RNFT2: variants seen among roughly 807,000 people sequenced by gnomAD.
The protein encoded by RNFT2 is E3 ubiquitin-protein ligase RNFT2.
Under a neutral mutation model 53.0 loss-of-function variants are expected in RNFT2, and 36 were observed. That is an observed-to-expected ratio of 0.68 (90% confidence interval 0.52 to 0.90). The LOEUF (loss-of-function observed/expected upper bound fraction) is 0.90. Ranked by LOEUF, RNFT2 falls within the 40% of genes least tolerant of loss-of-function variation. The pLI is 0.00. For missense variants in RNFT2, 514 were observed against 585.6 expected (o/e 0.88, Z 1.26); for synonymous variants, 260 against 253.2 (o/e 1.03, Z -0.26).
chr12:116,747,311 C>T (rs1871946026), intron 3 of RNFT2, among the ~76,000 whole-genome samples: 1 of 152,210 alleles, frequency 6.6e-6, no homozygotes, highest in Admixed American at 6.5e-5. Context: ...CCACCTTGGC[C>T]TCCCAAAGTG....
chr12:116,767,029 C>A, intron 6 of RNFT2, 115 bp downstream of exon 6: 1 of 667,766 alleles, frequency 1.5e-6, no homozygotes, highest in Non-Finnish European at 2.6e-6. Flanking sequence ...TTGTAACTTC[C>A]AAATTCCACC....
intron 7 of RNFT2, among the ~76,000 whole-genome samples, chr12:116,783,744 A>G (rs148384096): frequency 3.9e-4 from 59 of 152,372 alleles, no homozygotes; most frequent in African/African-American, 1.3e-3. Flanking sequence ...GGCTCTCCAC[A>G]GCCAGCCAGG....
At chr12:116,773,911 G>A (rs2137109867) in intron 6 of RNFT2, among the ~76,000 whole-genome samples, 1 of 152,326 alleles carries the variant, frequency 6.6e-6, no homozygotes, top group African/African-American at 2.4e-5. Flanking sequence ...TCTATTGACA[G>A]ATGAATGGAT....
intron 3 of RNFT2, among the ~76,000 whole-genome samples, chr12:116,746,228 C>T (rs1871887715): frequency 6.6e-6 from 1 of 152,108 alleles, no homozygotes; most frequent in East Asian, 1.9e-4. Context: ...CAGAGGGAGA[C>T]CCTGCTCAAA....
Position 116,763,605 on chromosome 12 carries a change from AAAAAAAAAAATAAC to A in RNFT2, c.628-3197_628-3184del, listed in dbSNP as rs1240324997. ...AACACAGTGAAACCCCATCTCAGTT[AAAAAAAAAAATAAC>A]AAAAAAAAAATTAGCTGGATGTGGT... On this transcript the variant is annotated intron_variant, in intron 5 of 10. Transcript: ENST00000257575. Among the ~76,000 whole-genome samples the A allele has an allele frequency of 3.1e-3, 213 of 69,078 alleles. 7 individuals are homozygous for A. In the Admixed American group the frequency reaches 0.039, roughly 13 times the overall value. The allele number at this position is 69,078 out of a possible 152,430, so 45.3% of individuals were successfully genotyped here. A position where few individuals can be genotyped will look rare whatever the true frequency, so the allele number is the denominator to read the frequency against.
intron 5 of RNFT2, among the ~76,000 whole-genome samples, chr12:116,760,111 G>A (rs1464237403): frequency 1.3e-5 from 2 of 152,144 alleles, no homozygotes; most frequent in African/African-American, 2.4e-5. Context: ...GAGTCATGCA[G>A]GTTGTCAGGG....
At chr12:116,843,264 G>A (rs1215993920) in intron 10 of RNFT2, among the ~76,000 whole-genome samples, 1 of 151,984 alleles carries the variant, frequency 6.6e-6, no homozygotes, top group South Asian at 2.1e-4. Context: ...AGGCTGAGGC[G>A]ATTGGATCCC....
At chr12:116,849,214 A>T (rs1179164334) in intron 10 of RNFT2, 100 bp from the exon 11 acceptor site, 3 of 947,724 alleles carry the variant, frequency 3.2e-6, no homozygotes, top group Admixed American at 2.5e-5. Flanking sequence ...CCCCGAAGGC[A>T]GGGGTTGTCT....
chr12:116,749,079 C>T (rs923078922), intron 3 of RNFT2, among the ~76,000 whole-genome samples: 1 of 152,082 alleles, frequency 6.6e-6, no homozygotes, highest in Non-Finnish European at 1.5e-5. Flanking sequence ...CTAGGACTGC[C>T]GTAACAAAGT....
chr12:116,789,106 G>A (rs111173962), intron 7 of RNFT2, among the ~76,000 whole-genome samples: 14,752 of 146,274 alleles, frequency 0.1, 2,144 homozygotes, highest in African/African-American at 0.32. Flanking sequence ...TGGATGGGTA[G>A]ATGGAAGGAG....
chr12:116,816,058 T>C (rs1204446424), intron 7 of RNFT2, among the ~76,000 whole-genome samples: 1 of 152,202 alleles, frequency 6.6e-6, no homozygotes, highest in African/African-American at 2.4e-5. Flanking sequence ...CTTAAGACTA[T>C]AGCTGACTTG....
chr12:116,843,950 CCCTCATGGCGTTTA>C (rs1877482298), intron 10 of RNFT2, among the ~76,000 whole-genome samples: 1 of 152,200 alleles, frequency 6.6e-6, no homozygotes, highest in South Asian at 2.1e-4. Flanking sequence ...AACATGGCTG[CCCTCATGGCGTTTA>C]CCACCTAGAG....
chr12:116,844,217 G>A (rs961930695), intron 10 of RNFT2, among the ~76,000 whole-genome samples: 1 of 149,282 alleles, frequency 6.7e-6, no homozygotes. Flanking sequence ...TGTATTATGG[G>A]TTTTTTTTTT....
intron 7 of RNFT2, among the ~76,000 whole-genome samples, chr12:116,786,207 C>T (rs1873928493): frequency 6.6e-6 from 1 of 151,682 alleles, no homozygotes; most frequent in Non-Finnish European, 1.5e-5. Flanking sequence ...CTGCAACCTC[C>T]ACCTCCCAGG....
intron 3 of RNFT2, among the ~76,000 whole-genome samples, chr12:116,742,268 T>TA: frequency 6.8e-6 from 1 of 147,308 alleles, no homozygotes; most frequent in Admixed American, 6.7e-5. Flanking sequence ...GTGGTTTCTT[T>TA]TTTTTTTTTT....
At chr12:116,794,156 T>C (rs1023115499) in intron 7 of RNFT2, among the ~76,000 whole-genome samples, 4 of 151,996 alleles carry the variant, frequency 2.6e-5, no homozygotes, top group African/African-American at 9.6e-5. Context: ...TCCCAGCTAT[T>C]TAGGAGGCTG....
intron 7 of RNFT2, among the ~76,000 whole-genome samples, chr12:116,808,323 C>T (rs1248069863): frequency 6.6e-6 from 1 of 152,232 alleles, no homozygotes; most frequent in Non-Finnish European, 1.5e-5. Context: ...CTCCTGGCCT[C>T]AAGAAATCCT....
chr12:116,800,658 G>A (rs563146805), intron 7 of RNFT2, among the ~76,000 whole-genome samples: 1 of 149,644 alleles, frequency 6.7e-6, no homozygotes, highest in South Asian at 2.1e-4. Flanking sequence ...GTTTAAAAAT[G>A]CAAAAAATTA....
chr12:116,763,619 CAA>C, intron 5 of RNFT2, among the ~76,000 whole-genome samples: 1 of 148,274 alleles, frequency 6.7e-6, no homozygotes, highest in East Asian at 2.0e-4. Context: ...AAAAAAATAA[CAA>C]AAAAAAAATT....
Sources: gnomAD v4.1 joint callset for allele counts (sites outside exome capture counted in the v4.1 genomes callset) on GRCh38, gnomAD v4.1.1 for gene constraint, MANE v1.5 for transcripts, NCBI Gene and HGNC (gene_info 2026-07-23, HGNC 2026-07-21) for gene names.